The following CTNNA3 variants were observed in gnomAD, a reference collection of about 807,000 sequenced individuals.
CTNNA3 encodes the protein catenin alpha 3.
CTNNA3 carries 76 observed loss-of-function variants against 95.7 expected under a neutral mutation model. That is an observed-to-expected ratio of 0.79 (90% CI 0.66 to 0.96). The LOEUF is 0.96. Ranked by LOEUF, CTNNA3 falls within the 40% of genes least tolerant of loss-of-function variation. The pLI is 0.00. For missense variants in CTNNA3, 1,191 were observed against 1,089.8 expected (o/e 1.09, Z -1.31); for synonymous variants, 431 against 374.4 (o/e 1.15, Z -1.74).
intron 10 of CTNNA3, among the ~76,000 whole-genome samples, chr10:66,541,038 T>C (rs1350188368): frequency 6.6e-6 from 1 of 151,928 alleles, no homozygotes; most frequent in African/African-American, 2.4e-5. Flanking sequence ...CTGCTTTGAG[T>C]TTTTTTCTCT....
intron 7 of CTNNA3, among the ~76,000 whole-genome samples, chr10:66,849,621 A>G (rs1843407298): frequency 1.3e-5 from 2 of 152,190 alleles, no homozygotes; most frequent in Admixed American, 1.3e-4. Context: ...GAGAGGAAAC[A>G]GAGAGACATA....
intron 7 of CTNNA3, among the ~76,000 whole-genome samples, chr10:66,792,874 T>C (rs1407285340): frequency 6.6e-6 from 1 of 152,178 alleles, no homozygotes; most frequent in East Asian, 1.9e-4. Flanking sequence ...TAGGTAATCA[T>C]CTTCTCTAGA....
At chr10:66,845,703 CAAAAAAAAAAA>C (rs61085873) in intron 7 of CTNNA3, among the ~76,000 whole-genome samples, 28 of 23,548 alleles carry the variant, frequency 1.2e-3, no homozygotes, top group Admixed American at 7.6e-3. Context: ...AACTCTGTCT[CAAAAAAAAAAA>C]AAAAAAAAAA....
chr10:67,028,774 T>C (rs1589628327), intron 7 of CTNNA3, among the ~76,000 whole-genome samples: 1 of 152,184 alleles, frequency 6.6e-6, no homozygotes, highest in Admixed American at 6.5e-5. Flanking sequence ...GTGAAGTCAT[T>C]TTAGCATTTT....
At chr10:66,273,716 T>C (rs2091330615) in intron 13 of CTNNA3, among the ~76,000 whole-genome samples, 1 of 152,148 alleles carries the variant, frequency 6.6e-6, no homozygotes, top group African/African-American at 2.4e-5. Flanking sequence ...TTCTGGTAAT[T>C]AAACAACTTT....
intron 7 of CTNNA3, among the ~76,000 whole-genome samples, chr10:66,991,152 C>A (rs1225120658): frequency 6.6e-6 from 1 of 152,160 alleles, no homozygotes; most frequent in East Asian, 1.9e-4. Context: ...ATGAGCAGCA[C>A]TTTGGAGTTT....
intron 5 of CTNNA3, among the ~76,000 whole-genome samples, chr10:67,398,392 A>G (rs1356872441): frequency 6.6e-6 from 1 of 152,148 alleles, no homozygotes; most frequent in Non-Finnish European, 1.5e-5. Flanking sequence ...GTTTTGACCA[A>G]TTTTGCCCAC....
At chr10:67,512,699 A>G (rs2133133729) in intron 5 of CTNNA3, among the ~76,000 whole-genome samples, 1 of 152,132 alleles carries the variant, frequency 6.6e-6, no homozygotes, top group South Asian at 2.1e-4. Flanking sequence ...TTTAAAAAAA[A>G]AAAAGGGCCA....
intron 8 of CTNNA3, among the ~76,000 whole-genome samples, chr10:66,769,200 C>T (rs1478173655): frequency 6.6e-6 from 1 of 152,176 alleles, no homozygotes; most frequent in Non-Finnish European, 1.5e-5. Context: ...TGAAAAAGAA[C>T]TATTGTCTCA....
intron 1 of CTNNA3, among the ~76,000 whole-genome samples, chr10:67,691,238 A>G (rs9971290): frequency 0.34 from 51,822 of 151,880 alleles, 10,519 homozygotes; most frequent in African/African-American, 0.57. Flanking sequence ...ATCTCGGCTC[A>G]CTACAACCTC....
chr10:67,186,773 T>C (rs1862869548), intron 6 of CTNNA3, among the ~76,000 whole-genome samples: 1 of 152,138 alleles, frequency 6.6e-6, no homozygotes, highest in Non-Finnish European at 1.5e-5. Flanking sequence ...AAATAGAAAA[T>C]ATTTTTCCTT....
chr10:66,755,483 A>G (rs1839328091), intron 9 of CTNNA3, among the ~76,000 whole-genome samples: 1 of 152,190 alleles, frequency 6.6e-6, no homozygotes, highest in South Asian at 2.1e-4. Context: ...CATTGATATC[A>G]TTTGTAATTA....
chr10:66,613,191 C>G (rs190144716), intron 10 of CTNNA3, among the ~76,000 whole-genome samples: 1 of 152,180 alleles, frequency 6.6e-6, no homozygotes, highest in African/African-American at 2.4e-5. Context: ...AAGTCATTAT[C>G]TAATTTTTTA....
intron 7 of CTNNA3, among the ~76,000 whole-genome samples, chr10:66,777,798 T>C (rs201180040): frequency 0.037 from 1,521 of 41,506 alleles, 27 homozygotes; most frequent in African/African-American, 0.088. Context: ...CACACACACA[T>C]GCACACACAC....
intron 1 of CTNNA3, among the ~76,000 whole-genome samples, chr10:67,690,875 C>T (rs1402688823): frequency 1.3e-5 from 2 of 152,090 alleles, no homozygotes; most frequent in Non-Finnish European, 2.9e-5. Flanking sequence ...TCTCCCTCTC[C>T]GTCTCTGTCT....
intron 7 of CTNNA3, among the ~76,000 whole-genome samples, chr10:67,090,994 A>G (rs1857597691): frequency 6.6e-6 from 1 of 152,088 alleles, no homozygotes; most frequent in Admixed American, 6.6e-5. Flanking sequence ...TCAAGCTGGG[A>G]GTCAAGCCGG....
intron 5 of CTNNA3, among the ~76,000 whole-genome samples, chr10:67,240,828 G>A (rs1432730346): frequency 1.3e-5 from 2 of 152,158 alleles, no homozygotes; most frequent in Non-Finnish European, 2.9e-5. Flanking sequence ...TCAAGAAAAT[G>A]TAGGGGGGTG....
chr10:66,419,058 G>C (rs2093169830), intron 11 of CTNNA3, among the ~76,000 whole-genome samples: 1 of 151,964 alleles, frequency 6.6e-6, no homozygotes, highest in Admixed American at 6.6e-5. Flanking sequence ...AAGGCATCCA[G>C]ATTCAAAAAG....
intron 7 of CTNNA3, among the ~76,000 whole-genome samples, chr10:67,110,397 C>T (rs1401699534): frequency 6.6e-6 from 1 of 151,998 alleles, no homozygotes; most frequent in African/African-American, 2.4e-5. Context: ...TTTCATGGGG[C>T]TCTGGGATTG....
Sources: gnomAD v4.1 joint callset for allele counts (sites outside exome capture counted in the v4.1 genomes callset) on GRCh38, gnomAD v4.1.1 for gene constraint, MANE v1.5 for transcripts, NCBI Gene and HGNC (gene_info 2026-07-23, HGNC 2026-07-21) for gene names.